The following HIPK3 variants were observed in gnomAD, a reference collection of about 807,000 sequenced individuals.
The protein encoded by HIPK3 is homeodomain-interacting protein kinase 3.
A neutral mutation model predicts 124.2 loss-of-function variants in HIPK3; 47 were observed. That is an observed-to-expected ratio of 0.38 (90% confidence interval 0.30 to 0.48). The LOEUF is 0.48. Among genes scored for constraint, HIPK3 ranks in the 20% least tolerant of loss-of-function variants. The pLI is 0.98. For missense variants in HIPK3, 1,286 were observed against 1,454.3 expected (o/e 0.88, Z 1.88); for synonymous variants, 482 against 515.2 (o/e 0.94, Z 0.87).
intron 3 of HIPK3, among the ~76,000 whole-genome samples, chr11:33,330,589 A>T (rs1326473498): frequency 6.6e-6 from 1 of 152,148 alleles, no homozygotes; most frequent in East Asian, 1.9e-4. Context: ...AGCCTCCCAA[A>T]GTGTTGGGAT....
intron 4 of HIPK3, among the ~76,000 whole-genome samples, chr11:33,338,468 G>A (rs1181901353): frequency 6.6e-6 from 1 of 152,158 alleles, no homozygotes; most frequent in South Asian, 2.1e-4. Context: ...TCTTGACCTC[G>A]TGATCCACCC....
chr11:33,351,787 T>C lies in HIPK3; in HGVS notation c.2987T>C (p.Val996Ala). The C allele has an allele frequency of 6.2e-7, 1 of 1,614,190 alleles. No homozygotes were observed. Among genetic ancestry groups the C allele is most frequent in the Non-Finnish European group, 8.5e-7 (1 of 1,180,020 alleles). Residue 996 changes from valine (V) to alanine (A), a missense_variant, in exon 15 of 17, where the codon GTG becomes GCG. By Grantham distance (64) the Val-to-Ala change is moderately conservative (BLOSUM62 0). Coordinates refer to ENST00000303296, the MANE Select transcript of HIPK3 (RefSeq NM_005734.5). ...AAGCCAGCTGTCTGTTCTGTTGTGG[T>C]GCCACCAGTGGAACTAGAAAATGGC... ...ETKPAVCSVV[V>A]PPVELENGLN...
intron 1 of HIPK3, chr11:33,258,823 T>C: frequency 1.0e-5 from 7 of 700,218 alleles, no homozygotes; most frequent in Non-Finnish European, 1.2e-5. Context: ...TGAACCGTGT[T>C]TTCACAACCT....
At chr11:33,274,694 TAGTA>T (rs923007368) in intron 1 of HIPK3, among the ~76,000 whole-genome samples, 1 of 152,234 alleles carries the variant, frequency 6.6e-6, no homozygotes, top group African/African-American at 2.4e-5. Context: ...ATTATCTGCT[TAGTA>T]AGAGTAATCC....
intron 2 of HIPK3, among the ~76,000 whole-genome samples, chr11:33,304,323 C>T (rs892329449): frequency 1.3e-5 from 2 of 152,088 alleles, no homozygotes; most frequent in Admixed American, 6.5e-5. Context: ...TTTGGGAAGC[C>T]GAGGCGGGTG....
chr11:33,317,923 G>A (rs755631511), intron 2 of HIPK3, among the ~76,000 whole-genome samples: 31 of 152,120 alleles, frequency 2.0e-4, no homozygotes, highest in African/African-American at 7.0e-4. Context: ...TGTTACAGTC[G>A]TCTTTAGGAA....
intron 1 of HIPK3, among the ~76,000 whole-genome samples, chr11:33,271,630 C>T (rs905288322): frequency 1.3e-5 from 2 of 152,190 alleles, no homozygotes; most frequent in Non-Finnish European, 2.9e-5. Context: ...AATCAGTAAA[C>T]TGTAACTACT....
chr11:33,331,536 T>C (rs1852983612), intron 3 of HIPK3, among the ~76,000 whole-genome samples: 1 of 152,252 alleles, frequency 6.6e-6, no homozygotes, highest in Middle Eastern at 3.4e-3. Context: ...CCAGCATGCC[T>C]GACTCATTTT....
In HIPK3 at chr11:33,328,624, G is replaced by A. The variant is rs1852878631; in HGVS notation, c.1212G>A (p.Glu404=). ...GGCCGCTCTACCCAGGAGCCTTGGA[G>A]TATGATCAGGTAACAAATAATGATA... The part of the protein sequence containing the change: ...LGWPLYPGAL[E]YDQIRYISQT... The change falls in exon 3 of 17, where the codon GAG becomes GAA. Residue 404 remains glutamate (E), a synonymous_variant. Transcript: ENST00000303296. The A allele has an allele frequency of 6.2e-7, 1 of 1,613,102 alleles. No individual in the cohort carries two copies. The highest frequency in any genetic ancestry group is 8.5e-7 in the Non-Finnish European group (1 of 1,179,282).
chr11:33,341,194 T>C lies in HIPK3; in HGVS notation c.1773+67T>C. The C allele has an allele frequency of 9.5e-6, 11 of 1,152,916 alleles. 1 individual carries two copies. In the South Asian group the frequency reaches 1.4e-4, roughly 14 times the overall value. 71.4% of individuals were successfully genotyped at this position (1,152,916 alleles called of 1,614,324 possible). A position where few individuals can be genotyped will look rare whatever the true frequency, so the allele number is the denominator to read the frequency against. On this transcript the variant is annotated intron_variant, in intron 7 of 16. Coordinates refer to ENST00000303296, the MANE Select transcript of HIPK3 (RefSeq NM_005734.5). Reference sequence around the variant, plus strand: ...ATGATTGCGCATTTTACTTTTGATATATACAGAAGTTTGGTGTCAGTTGTT... The same window carrying C: ...ATGATTGCGCATTTTACTTTTGATACATACAGAAGTTTGGTGTCAGTTGTT...
chr11:33,354,784 G>C lies in HIPK3; in HGVS notation c.*1216G>C, dbSNP rs2134008731. ...TTGCTTATTTAATACATTCCGTCAGGGACAGAAATTACATGCTTTTTTTTC... is the reference window on the plus strand; with the variant it reads ...TTGCTTATTTAATACATTCCGTCAGCGACAGAAATTACATGCTTTTTTTTC... On this transcript the variant is annotated 3_prime_UTR_variant, in exon 17 of 17. Coordinates refer to ENST00000303296, the MANE Select transcript of HIPK3 (RefSeq NM_005734.5). The C allele has an allele frequency of 6.6e-6, 1 of 151,726 alleles. No homozygotes were observed. The highest frequency in any genetic ancestry group is 2.1e-4 in the South Asian group (1 of 4,794). 9.4% of individuals were successfully genotyped at this position (151,726 alleles called of 1,614,324 possible). A position where few individuals can be genotyped will look rare whatever the true frequency, so the allele number is the denominator to read the frequency against.
At position 33,351,822 on chromosome 11, in the gene HIPK3, G is replaced by A. The variant is rs200039689; in HGVS notation, c.3022G>A (p.Asp1008Asn). ...PVELENGLNA[D>N]EHMANTDSIC... Reference sequence around the variant, plus strand: ...GGAACTAGAAAATGGCTTAAATGCCGATGAGCATATGGCAAACACAGGTAA... The same window carrying A: ...GGAACTAGAAAATGGCTTAAATGCCAATGAGCATATGGCAAACACAGGTAA... The change falls in exon 15 of 17, where the codon GAT becomes AAT. Residue 1008 changes from aspartate (D) to asparagine (N), a missense_variant. This residue lies in a region of HIPK3 where 810 missense variants were observed against 864.9 expected (regional missense o/e 0.94). Coordinates refer to ENST00000303296, the MANE Select transcript of HIPK3 (RefSeq NM_005734.5). 1.7e-4 allele frequency: 273 copies of A among 1,613,420 alleles called. No homozygotes were observed. The highest frequency in any genetic ancestry group is 9.9e-4 in the Middle Eastern group (6 of 6,082).
At chr11:33,258,203 CGG>C in intron 1 of HIPK3, 8 of 486,752 alleles carry the variant, frequency 1.6e-5, no homozygotes, top group Non-Finnish European at 2.1e-5. Context: ...CCGGGGGCCT[CGG>C]CCCCCCCTCC....
At chr11:33,291,464 A>T (rs1462573236) in intron 2 of HIPK3, among the ~76,000 whole-genome samples, 1 of 152,232 alleles carries the variant, frequency 6.6e-6, no homozygotes, top group Non-Finnish European at 1.5e-5. Context: ...TGTAGTAGGG[A>T]TATCTTAAAA....
chr11:33,344,921 C>A (rs1853448564), intron 8 of HIPK3, among the ~76,000 whole-genome samples: 1 of 152,110 alleles, frequency 6.6e-6, no homozygotes, highest in Admixed American at 6.5e-5. Flanking sequence ...TTTACCCTTT[C>A]CCTTCAGAAT....
intron 2 of HIPK3, among the ~76,000 whole-genome samples, chr11:33,298,929 C>T (rs1046246327): frequency 2.0e-5 from 3 of 152,078 alleles, no homozygotes; most frequent in Non-Finnish European, 4.4e-5. Flanking sequence ...TCATTTCAAC[C>T]TCCACCTCCT....
intron 1 of HIPK3, among the ~76,000 whole-genome samples, chr11:33,269,440 A>G (rs1851061984): frequency 6.6e-6 from 1 of 151,692 alleles, no homozygotes; most frequent in Non-Finnish European, 1.5e-5. Context: ...CAACATCTGG[A>G]GCTTGTCCAA....
intron 2 of HIPK3, among the ~76,000 whole-genome samples, chr11:33,289,940 T>C (rs1203497138): frequency 2.6e-5 from 4 of 152,220 alleles, no homozygotes; most frequent in African/African-American, 4.8e-5. Flanking sequence ...GCCTGGCTTA[T>C]TTCACGTAAC....
At chr11:33,267,982 C>T (rs1272602291) in intron 1 of HIPK3, among the ~76,000 whole-genome samples, 1 of 151,792 alleles carries the variant, frequency 6.6e-6, no homozygotes, top group East Asian at 1.9e-4. Flanking sequence ...AGACTGAGGC[C>T]GGCAGACCAC....
Sources: allele counts gnomAD v4.1 joint callset (sites outside exome capture counted in the v4.1 genomes callset), GRCh38; gene constraint gnomAD v4.1.1; regional missense constraint gnomAD v4.1.1; transcripts MANE v1.5; gene names NCBI Gene and HGNC (gene_info 2026-07-23, HGNC 2026-07-21).